The following WEE2 variants were observed in gnomAD, a reference collection of about 807,000 sequenced individuals.
The protein encoded by WEE2 is WEE2 oocyte meiosis inhibiting kinase.
In WEE2, 50 loss-of-function variants were observed where a neutral mutation model predicts 60.1. That is an observed-to-expected ratio of 0.83 (90% CI 0.66 to 1.05). The LOEUF (loss-of-function observed/expected upper bound fraction) is 1.05. WEE2 is among the 50% of genes least tolerant of loss of function. The pLI is 0.00. For missense variants in WEE2, 631 were observed against 684.3 expected (o/e 0.92, Z 0.87); for synonymous variants, 240 against 241.0 (o/e 1.00, Z 0.04).
chr7:141,708,841 A>T lies in WEE2; in HGVS notation c.83A>T (p.Lys28Met). ...GAGGAGACTGAGATTGAAGGGCAGA[A>T]GAAAGTAGAAGAAAGCAGGGAGGCT... ...YCEETEIEGQKKVEESREASS... is the reference protein window; with the variant it reads ...YCEETEIEGQMKVEESREASS... The change falls in exon 1 of 12, where the codon AAG becomes ATG. Residue 28 changes from lysine (K) to methionine (M), a missense_variant. By Grantham distance (95) the Lys-to-Met change is moderately conservative. Transcript: ENST00000397541. 6.2e-7 allele frequency: 1 copy of T among 1,614,210 alleles called. No individual in the cohort carries two copies. The highest frequency in any genetic ancestry group is 8.5e-7 in the Non-Finnish European group (1 of 1,180,034).
rs199682855 is a variant in WEE2, at chr7:141,727,370, C to T, written c.1459C>T (p.Arg487Trp). 73 of 1,614,014 alleles carry T rather than the reference C, an allele frequency of 4.5e-5. 1 individual carries two copies. The highest frequency in any genetic ancestry group is 1.6e-4 in the Middle Eastern group (1 of 6,082). The change falls in exon 10 of 12, where the codon CGG becomes TGG. Residue 487 changes from arginine (R) to tryptophan (W), a missense_variant. Coordinates refer to ENST00000397541, the MANE Select transcript of WEE2 (RefSeq NM_001105558.1). ...AAALARNTVL[R>W]PSLGKTEELQ... The stretch of plus-strand genomic sequence containing the variant: ...AGCTCTGGCCAGAAATACAGTTCTC[C>T]GGCCTTCCCTGGGAAAAACAGAAGA...
At position 141,725,179 on chromosome 7, in the gene WEE2, T is replaced by C; in HGVS notation, c.1375T>C (p.Phe459Leu). 3.1e-6 allele frequency: 5 copies of C among 1,613,972 alleles called. No individual in the cohort carries two copies. Among genetic ancestry groups the C allele is most frequent in the Non-Finnish European group, 4.2e-6 (5 of 1,179,906 alleles). The change falls in exon 9 of 12, where the codon TTT becomes CTT. Residue 459 changes from phenylalanine to leucine, a missense_variant. Transcript: ENST00000397541. ...PDVPQELSES[F>L]SSLLKNMIQP... ...CGTTCCTCAGGAGCTCTCAGAAAGC[T>C]TTTCCAGTCTGCTCAAGGTGATAGC...
Position 141,724,225 on chromosome 7 carries a change from A to T in WEE2, c.1171A>T (p.Lys391Ter), listed in dbSNP as rs996543323. 1 of 1,613,876 alleles carries T rather than the reference A, an allele frequency of 6.2e-7. No homozygotes were observed. The highest frequency in any genetic ancestry group is 1.1e-5 in the South Asian group (1 of 90,980). Reference protein sequence around the residue: ...LGHATSINKPKVEEGDSRFLA... With the variant: ...LGHATSINKP The stretch of plus-strand genomic sequence containing the variant: ...CCACGCAACATCAATAAACAAACCC[A>T]AAGTGGAAGAAGGAGATAGTCGCTT... Residue 391 changes from lysine to a stop codon, truncating the protein, a stop_gained, in exon 8 of 12, where the codon AAA becomes TAA. Coordinates refer to ENST00000397541, the MANE Select transcript of WEE2 (RefSeq NM_001105558.1). LOFTEE classifies it high-confidence loss of function.
intron 3 of WEE2, 52 bp downstream of exon 3, chr7:141,716,319 T>G: frequency 6.5e-7 from 1 of 1,533,234 alleles, no homozygotes; most frequent in South Asian, 1.2e-5. Context: ...TTTATCCTAT[T>G]CTTTCTCTTC....
rs761211412 is a variant in WEE2, at chr7:141,708,752, G to A, written c.-7G>A. The stretch of plus-strand genomic sequence containing the variant: ...TTTTGTCTGTGTTGTAAAGCTCTTT[G>A]GCTGAGATGGATGACAAAGATATTG... On this transcript the variant is annotated 5_prime_UTR_variant, in exon 1 of 12. Coordinates refer to ENST00000397541, the MANE Select transcript of WEE2 (RefSeq NM_001105558.1). 6.2e-7 allele frequency: 1 copy of A among 1,610,302 alleles called. No homozygotes were observed. The highest frequency in any genetic ancestry group is 8.5e-7 in the Non-Finnish European group (1 of 1,177,612).
rs889873867 is a variant in WEE2, at chr7:141,720,959, T to C, written c.783T>C (p.Tyr261=). The part of the protein sequence containing the change: ...SNENSALHEV[Y]AHAVLGHHPH... ...GGAATTCGGCTTTGCATGAAGTTTA[T>C]GCTCACGCAGTGCTTGGGCATCACC... Residue 261 remains tyrosine (Y), a synonymous_variant, in exon 5 of 12, where the codon TAT becomes TAC. Transcript: ENST00000397541. 8.1e-6 allele frequency: 13 copies of C among 1,613,816 alleles called. No individual in the cohort carries two copies. The highest frequency in any genetic ancestry group is 2.7e-5 in the African/African-American group (2 of 74,946).
At chr7:141,716,488 T>TCTCCCCTC (rs1485303401) in intron 3 of WEE2, among the ~76,000 whole-genome samples, 1 of 137,974 alleles carries the variant, frequency 7.2e-6, no homozygotes, top group East Asian at 2.5e-4. Context: ...CTCTTCCCCA[T>TCTCCCCTC]CTCCCCTCCT....
At chr7:141,726,253 T>A (rs963474403) in intron 9 of WEE2, among the ~76,000 whole-genome samples, 2 of 152,168 alleles carry the variant, frequency 1.3e-5, no homozygotes, top group African/African-American at 2.4e-5. Context: ...ATCTACTTCC[T>A]TGGAGATTAG....
chr7:141,730,000 A>AC (rs1236206604), intron 11 of WEE2, among the ~76,000 whole-genome samples: 1 of 151,692 alleles, frequency 6.6e-6, no homozygotes, highest in African/African-American at 2.4e-5. Flanking sequence ...AAAAAAAAAA[A>AC]AAAAAAAAAA....
At chr7:141,710,363 T>C (rs1563011554) in intron 1 of WEE2, among the ~76,000 whole-genome samples, 1 of 152,070 alleles carries the variant, frequency 6.6e-6, no homozygotes, top group Non-Finnish European at 1.5e-5. Flanking sequence ...TGGGGGAGAA[T>C]GGGCTGAGAG....
At chr7:141,724,927 C>A in intron 8 of WEE2, 99 bp from the exon 9 acceptor site, 1 of 1,371,406 alleles carries the variant, frequency 7.3e-7, no homozygotes, top group Non-Finnish European at 1.0e-6. Context: ...CTGTTTAAAC[C>A]TTATATGCAC....
At chr7:141,712,528 GTTAT>G (rs1358246443) in intron 1 of WEE2, among the ~76,000 whole-genome samples, 3 of 152,088 alleles carry the variant, frequency 2.0e-5, no homozygotes, top group Admixed American at 6.6e-5. Context: ...CTCAAACTAT[GTTAT>G]TTGAGATTTT....
intron 8 of WEE2, 133 bp from the exon 9 acceptor site, chr7:141,724,893 C>T (rs993202831): frequency 4.9e-5 from 49 of 998,346 alleles, no homozygotes; most frequent in East Asian, 1.7e-4. Flanking sequence ...CTAACTACAG[C>T]GAATGTATCT....
Position 141,722,321 on chromosome 7 carries a change from C to T in WEE2, c.881-813C>T, listed in dbSNP as rs149169647. Among the ~76,000 whole-genome samples, 540 of 152,236 alleles carry T rather than the reference C, an allele frequency of 3.5e-3. 7 individuals are homozygous for T. Among genetic ancestry groups the T allele is most frequent in the East Asian group, 0.024 (122 of 5,178 alleles). ...TGGGGATGCTGAGGCAGGAGAATCG[C>T]TTGAACCCGGGAGGCGGAGGTTGCA... On this transcript the variant is annotated intron_variant, in intron 5 of 11. Transcript: ENST00000397541.
At position 141,708,530 on chromosome 7, in the gene WEE2, CT is replaced by C. The variant is rs1798656329; in HGVS notation, c.-226del. The C allele has an allele frequency of 1.8e-6, 1 of 563,596 alleles. No individual in the cohort carries two copies. The highest frequency in any genetic ancestry group is 1.9e-5 in the African/African-American group (1 of 53,416). The allele number at this position is 563,596 out of a possible 1,614,324, so 34.9% of individuals were successfully genotyped here. ...TTAATTGCTCCGAGAGTCACTGGAG[CT>C]TTCTTTAATCAGAATGGAAATCAGG... On this transcript the variant is annotated 5_prime_UTR_variant, in exon 1 of 12. It introduces an in-frame stop codon into an upstream open reading frame of the 5' UTR. Coordinates refer to ENST00000397541, the MANE Select transcript of WEE2 (RefSeq NM_001105558.1).
chr7:141,727,504 T>C, intron 10 of WEE2, 58 bp downstream of exon 10: 1 of 1,591,040 alleles, frequency 6.3e-7, no homozygotes, highest in Non-Finnish European at 8.6e-7. Flanking sequence ...CACAATGGTA[T>C]GACTAGTCTA....
chr7:141,721,184 A>G (rs990473582), intron 5 of WEE2, 128 bp downstream of exon 5: 1 of 1,096,596 alleles, frequency 9.1e-7, no homozygotes, highest in African/African-American at 1.6e-5. Flanking sequence ...TCTGTACTAT[A>G]TATTATAGTC....
intron 5 of WEE2, among the ~76,000 whole-genome samples, chr7:141,721,353 A>G (rs1019700520): frequency 1.3e-5 from 2 of 152,134 alleles, no homozygotes; most frequent in Non-Finnish European, 2.9e-5. Flanking sequence ...CCTCCCCTTA[A>G]GCAACATCCA....
Position 141,721,050 on chromosome 7 carries a change from T to A in WEE2, c.874T>A (p.Cys292Ser). Residue 292 changes from cysteine to serine, a missense_variant, in exon 5 of 12, where the codon TGC (cysteine) becomes AGC (serine). Physicochemically the swap from Cys to Ser is moderately radical, Grantham distance 112. Transcript: ENST00000397541. The stretch of plus-strand genomic sequence containing the variant: ...CCACATGATCATTCAGAATGAATAC[T>A]GCAATGGTAAGTAGTATATAGATGA... ...DDHMIIQNEY[C>S]NGGSLQAAIS... The A allele has an allele frequency of 6.2e-7, 1 of 1,614,210 alleles. No individual in the cohort carries two copies. Among genetic ancestry groups the A allele is most frequent in the Non-Finnish European group, 8.5e-7 (1 of 1,180,036 alleles).
Sources: gnomAD v4.1 joint callset for allele counts (sites outside exome capture counted in the v4.1 genomes callset) on GRCh38, gnomAD v4.1.1 for gene constraint, MANE v1.5 for transcripts, NCBI Gene and HGNC (gene_info 2026-07-23, HGNC 2026-07-21) for gene names.